STK3: variants seen among roughly 807,000 people sequenced by gnomAD.
The protein encoded by STK3 is serine/threonine-protein kinase 3.
Under a neutral mutation model 58.0 loss-of-function variants are expected in STK3, and 41 were observed. The ratio of observed to expected loss-of-function variants is 0.71; its 90% CI spans 0.55 to 0.92. The LOEUF (loss-of-function observed/expected upper bound fraction) is 0.92. STK3 is among the 40% of genes least tolerant of loss of function. STK3 has a pLI of 0.00. For missense variants in STK3, 479 were observed against 602.7 expected (o/e 0.79, Z 2.15); for synonymous variants, 170 against 191.0 (o/e 0.89, Z 0.91).
At chr8:98,584,707 T>A (rs1397134194) in intron 7 of STK3, among the ~76,000 whole-genome samples, 42 of 150,544 alleles carry the variant, frequency 2.8e-4, no homozygotes, top group Non-Finnish European at 4.7e-4. Flanking sequence ...TAGTTCACAG[T>A]CCCACCAACA....
At chr8:98,776,133 A>C (rs1475471397) in intron 1 of STK3, among the ~76,000 whole-genome samples, 49 of 152,322 alleles carry the variant, frequency 3.2e-4, no homozygotes, top group Non-Finnish European at 5.9e-5. Context: ...GTTCCCCAGA[A>C]AGACTCTGAC....
chr8:98,440,862 C>A (rs184871897), intron 1 of STK3, among the ~76,000 whole-genome samples: 2 of 152,266 alleles, frequency 1.3e-5, no homozygotes, highest in Non-Finnish European at 2.9e-5. Context: ...TATCCCAAGG[C>A]CACATTTAAC....
intron 1 of STK3, among the ~76,000 whole-genome samples, chr8:98,786,939 G>A (rs1269686590): frequency 6.6e-6 from 1 of 152,082 alleles, no homozygotes; most frequent in Non-Finnish European, 1.5e-5. Flanking sequence ...GAGAGGCCAA[G>A]ACGGGCAGAT....
chr8:98,547,911 C>T lies in STK3; in HGVS notation c.1141+58G>A, dbSNP rs1336019584. ...AAGTAACACAGAACTAGCCTGGTTC[C>T]TATAAAAGTATCCTTTCGAATTAGA... On this transcript the variant is annotated intron_variant, in intron 9 of 10. Coordinates refer to ENST00000419617, the MANE Select transcript of STK3 (RefSeq NM_006281.4). The T allele has an allele frequency of 4.2e-6, 6 of 1,419,338 alleles. No individual in the cohort carries two copies. The East Asian group carries it at 1.3e-4, about 31-fold the overall frequency. 87.9% of individuals were successfully genotyped at this position (1,419,338 alleles called of 1,614,324 possible). A position where few individuals can be genotyped will look rare whatever the true frequency, so the allele number is the denominator to read the frequency against.
At chr8:98,470,194 C>T (rs1274214738) in intron 10 of STK3, among the ~76,000 whole-genome samples, 5 of 152,180 alleles carry the variant, frequency 3.3e-5, no homozygotes, top group African/African-American at 1.2e-4. Context: ...CTTCAAACTG[C>T]CAAAAACACT....
At position 98,596,331 on chromosome 8, in the gene STK3, T is replaced by G. The variant is rs1815823499; in HGVS notation, c.685-162A>C. 5.9e-6 allele frequency: 4 copies of G among 674,874 alleles called. No individual in the cohort carries two copies. In the South Asian group the frequency reaches 1.1e-4, roughly 18 times the overall value. The allele number at this position is 674,874 out of a possible 1,614,324, so 41.8% of individuals were successfully genotyped here. ...CTGAAATTCAGGAAGCCAGTCCATC[T>G]GCTACTAATGTAATCATTTCCCATT... On this transcript the variant is annotated intron_variant, in intron 6 of 10. Coordinates refer to ENST00000419617, the MANE Select transcript of STK3 (RefSeq NM_006281.4).
At chr8:98,525,894 G>A (rs1471634499) in intron 10 of STK3, among the ~76,000 whole-genome samples, 3 of 151,658 alleles carry the variant, frequency 2.0e-5, no homozygotes, top group Admixed American at 2.0e-4. Flanking sequence ...TTTAAAAAAT[G>A]TACATATTTA....
chr8:98,891,659 G>GCTTAGATA lies in STK3; in HGVS notation c.-78-7833_-78-7826dup, dbSNP rs111973345. Among the ~76,000 whole-genome samples the GCTTAGATA allele has an allele frequency of 8.7e-3, 1,321 of 151,972 alleles. 12 individuals are homozygous for GCTTAGATA. Among genetic ancestry groups the GCTTAGATA allele is most frequent in the African/African-American group, 0.03 (1,246 of 41,412 alleles). The stretch of plus-strand genomic sequence containing the variant: ...AGAGAGAGAGAGAGAGATACACAGT[G>GCTTAGATA]CTTAGATATAAACAGTAGTAAAAGA... On this transcript the variant is annotated intron_variant, in intron 1 of 1. Transcript: ENST00000519420.
chr8:98,784,300 G>A (rs1230436866), intron 1 of STK3, among the ~76,000 whole-genome samples: 3 of 152,202 alleles, frequency 2.0e-5, no homozygotes, highest in African/African-American at 7.2e-5. Flanking sequence ...CAGCCACACT[G>A]TAGTTAGTGC....
chr8:98,553,237 CA>C (rs1811322466), intron 8 of STK3: 1 of 152,108 alleles, frequency 6.6e-6, no homozygotes, highest in Non-Finnish European at 1.5e-5. Context: ...TCAGACACCC[CA>C]AGATTGAATT....
intron 4 of STK3, among the ~76,000 whole-genome samples, chr8:98,729,035 C>T (rs1306772985): frequency 6.6e-6 from 1 of 151,846 alleles, no homozygotes; most frequent in Non-Finnish European, 1.5e-5. Context: ...TCTAAGGGCA[C>T]TTGGATAAAA....
intron 10 of STK3, among the ~76,000 whole-genome samples, chr8:98,489,790 A>C (rs16897050): frequency 0.03 from 4,558 of 152,290 alleles, 105 homozygotes; most frequent in South Asian, 0.06. Flanking sequence ...TGGCTTTAGA[A>C]AAAAATTTTA....
intron 10 of STK3, among the ~76,000 whole-genome samples, chr8:98,482,909 A>T (rs1821963140): frequency 6.6e-6 from 1 of 152,194 alleles, no homozygotes; most frequent in African/African-American, 2.4e-5. Flanking sequence ...AGTAACAAAT[A>T]GTCTAATATT....
intron 8 of STK3, among the ~76,000 whole-genome samples, chr8:98,571,595 T>C (rs1455504081): frequency 6.6e-6 from 1 of 152,108 alleles, no homozygotes; most frequent in Non-Finnish European, 1.5e-5. Flanking sequence ...GTTCAGACCA[T>C]AAGAGGTCAC....
intron 6 of STK3, among the ~76,000 whole-genome samples, chr8:98,669,275 G>A (rs1040951224): frequency 2.0e-5 from 3 of 152,062 alleles, no homozygotes; most frequent in Non-Finnish European, 4.4e-5. Context: ...GATTACAGGC[G>A]TGAGCCACTG....
chr8:98,479,276 C>G (rs1276989846), intron 10 of STK3, among the ~76,000 whole-genome samples: 1 of 152,104 alleles, frequency 6.6e-6, no homozygotes, highest in Non-Finnish European at 1.5e-5. Context: ...ATCATGAGGT[C>G]AGGAGTTAGA....
chr8:98,347,502 G>A, the STK3 span, among the ~76,000 whole-genome samples: 6 of 150,302 alleles, frequency 4.0e-5, no homozygotes, highest in South Asian at 2.1e-4. Flanking sequence ...GCCACAGAGC[G>A]AGACTCCGTC....
At chr8:98,834,716 G>A (rs1835684867) in intron 3 of STK3, among the ~76,000 whole-genome samples, 1 of 152,148 alleles carries the variant, frequency 6.6e-6, no homozygotes, top group Non-Finnish European at 1.5e-5. Context: ...CATTCATGAG[G>A]GTAGCCCTTA....
At chr8:98,477,491 GA>G (rs1821418582) in intron 10 of STK3, among the ~76,000 whole-genome samples, 1 of 151,794 alleles carries the variant, frequency 6.6e-6, no homozygotes, top group African/African-American at 2.4e-5. Flanking sequence ...CCGTGTTTGA[GA>G]ATTAAGGGTT....
Sources: gnomAD v4.1 joint callset for allele counts (sites outside exome capture counted in the v4.1 genomes callset) on GRCh38, gnomAD v4.1.1 for gene constraint, MANE v1.5 for transcripts, NCBI Gene and HGNC (gene_info 2026-07-23, HGNC 2026-07-21) for gene names.